Variants in MPP7 observed in about 807,000 individuals in gnomAD.
The protein encoded by MPP7 is MAGUK p55 subfamily member 7.
In MPP7, 60 loss-of-function variants were observed where a neutral mutation model predicts 76.5. That is an observed-to-expected ratio of 0.78 (90% CI 0.64 to 0.97). The LOEUF (loss-of-function observed/expected upper bound fraction) is 0.97. Among genes scored for constraint, MPP7 ranks in the 50% least tolerant of loss-of-function variants. The probability of loss-of-function intolerance (pLI) is 0.00; values close to 1 mark genes in which losing one functional copy is unlikely to be tolerated. For missense variants in MPP7, 641 were observed against 694.0 expected (o/e 0.92, Z 0.86); for synonymous variants, 237 against 244.5 (o/e 0.97, Z 0.29).
chr10:28,097,084 G>C (rs1444064632), intron 11 of MPP7, among the ~76,000 whole-genome samples: 1 of 151,774 alleles, frequency 6.6e-6, no homozygotes, highest in Non-Finnish European at 1.5e-5. Context: ...CAAACCCCTG[G>C]GCTCCAGCGA....
intron 2 of MPP7, among the ~76,000 whole-genome samples, chr10:28,212,425 A>C (rs796425402): frequency 2.2e-4 from 33 of 152,338 alleles, no homozygotes; most frequent in African/African-American, 7.9e-4. Context: ...ATAATGGGGA[A>C]GTTCAGCCTT....
In MPP7 at chr10:28,175,774, G is replaced by C. The variant is rs575054858; in HGVS notation, c.157-25715C>G. On this transcript the variant is annotated intron_variant, in intron 3 of 16. Transcript: ENST00000683449. ...TAAAGACCACAAGAAAAACTTGTAA[G>C]AGCTCAGGGAAAATTGCTCCCTGAG... Among the ~76,000 whole-genome samples the C allele has an allele frequency of 2.6e-5, 4 of 152,174 alleles. No individual in the cohort carries two copies. In the East Asian group the frequency reaches 7.7e-4, roughly 29 times the overall value.
intron 1 of MPP7, among the ~76,000 whole-genome samples, chr10:28,265,409 C>T (rs986118954): frequency 3.3e-5 from 5 of 151,962 alleles, no homozygotes; most frequent in African/African-American, 9.7e-5. Context: ...AAATGCAAAA[C>T]TTAGCCAGGC....
At chr10:28,155,900 AC>A (rs1374619082) in intron 3 of MPP7, among the ~76,000 whole-genome samples, 10 of 152,180 alleles carry the variant, frequency 6.6e-5, no homozygotes, top group African/African-American at 2.4e-4. Flanking sequence ...AGCAGCCACC[AC>A]ACTGCCTCTA....
chr10:28,124,703 T>C (rs1238485850), intron 7 of MPP7, among the ~76,000 whole-genome samples: 1 of 151,840 alleles, frequency 6.6e-6, no homozygotes, highest in Admixed American at 6.6e-5. Context: ...CAGGATGGTA[T>C]TGATCTCCTG....
At chr10:28,137,062 G>C (rs1329437800) in intron 5 of MPP7, among the ~76,000 whole-genome samples, 1 of 151,226 alleles carries the variant, frequency 6.6e-6, no homozygotes, top group Non-Finnish European at 1.5e-5. Flanking sequence ...AAACCAGGAA[G>C]AAAATATTGA....
chr10:28,194,208 G>T (rs1238675279), intron 3 of MPP7, among the ~76,000 whole-genome samples: 2 of 151,768 alleles, frequency 1.3e-5, no homozygotes, highest in African/African-American at 4.8e-5. Flanking sequence ...TAGAGATAGG[G>T]TTTCACCATG....
intron 1 of MPP7, among the ~76,000 whole-genome samples, chr10:28,290,824 C>T (rs766701664): frequency 6.6e-5 from 10 of 152,240 alleles, no homozygotes; most frequent in South Asian, 4.1e-4. Flanking sequence ...CAGACTAACA[C>T]GTGAAAGAAG....
chr10:28,296,478 T>C (rs979335427), intron 1 of MPP7, among the ~76,000 whole-genome samples: 2 of 152,228 alleles, frequency 1.3e-5, no homozygotes, highest in Non-Finnish European at 2.9e-5. Flanking sequence ...AAGTCCAAAG[T>C]TGTCTTCAAA....
intron 3 of MPP7, among the ~76,000 whole-genome samples, chr10:28,195,380 T>A (rs1354300654): frequency 1.3e-5 from 2 of 152,154 alleles, no homozygotes; most frequent in Non-Finnish European, 2.9e-5. Context: ...TAGCAATTCC[T>A]CTCCTAGATA....
chr10:28,057,039 C>T (rs1851583405), intron 15 of MPP7, among the ~76,000 whole-genome samples: 1 of 152,236 alleles, frequency 6.6e-6, no homozygotes, highest in African/African-American at 2.4e-5. Context: ...AGGGCAGCCT[C>T]CTGCTCTCCA....
intron 3 of MPP7, among the ~76,000 whole-genome samples, chr10:28,180,621 T>A (rs560174253): frequency 6.6e-6 from 1 of 152,222 alleles, no homozygotes; most frequent in East Asian, 1.9e-4. Flanking sequence ...TAAATAATAT[T>A]GTGGTAATAA....
intron 3 of MPP7, among the ~76,000 whole-genome samples, chr10:28,193,199 G>A (rs2133952728): frequency 6.8e-6 from 1 of 147,518 alleles, no homozygotes; most frequent in East Asian, 2.0e-4. Context: ...GGGTTTTTTT[G>A]TTTGGTTGGT....
At chr10:28,282,654 G>C (rs546860352) in intron 1 of MPP7, among the ~76,000 whole-genome samples, 2 of 151,988 alleles carry the variant, frequency 1.3e-5, no homozygotes, top group Non-Finnish European at 2.9e-5. Flanking sequence ...GGACAGGAGC[G>C]TAAAGAAAAA....
chr10:28,273,526 A>G (rs1448653400), intron 1 of MPP7, among the ~76,000 whole-genome samples: 1 of 152,218 alleles, frequency 6.6e-6, no homozygotes, highest in Non-Finnish European at 1.5e-5. Context: ...CAGAAGAGTT[A>G]CCTCAATGAA....
At chr10:28,180,541 A>C (rs1249132005) in intron 3 of MPP7, among the ~76,000 whole-genome samples, 1 of 152,274 alleles carries the variant, frequency 6.6e-6, no homozygotes, top group Non-Finnish European at 1.5e-5. Flanking sequence ...TAATTTCTAC[A>C]TCACTAAGCC....
upstream of MPP7, chr10:28,334,532 T>C (rs1834498559): frequency 6.6e-6 from 1 of 152,224 alleles, no homozygotes; most frequent in Admixed American, 6.5e-5. Context: ...AATGTTCTTG[T>C]GTTTATACTC....
intron 4 of MPP7, among the ~76,000 whole-genome samples, chr10:28,149,318 T>C (rs915486347): frequency 6.6e-6 from 1 of 152,228 alleles, no homozygotes; most frequent in Admixed American, 6.5e-5. Context: ...CCTTTATAGT[T>C]TATCCAGGTG....
rs929452245 is a variant in MPP7, at chr10:28,147,504, T to C, written c.294A>G (p.Leu98=). 1 of 1,614,066 alleles carries C rather than the reference T, an allele frequency of 6.2e-7. No homozygotes were observed. ...LNSEIRELLK[L]LSKPNVKALL... is the part of the protein sequence containing the mutation. ...TCACCTTCACATTGGGTTTTGACAG[T>C]AGTTTCAACAGCTCTCTGATCTCAC... Residue 98 remains leucine, a synonymous_variant, in exon 5 of 17, where the codon CTA becomes CTG. Coordinates refer to ENST00000683449, the MANE Select transcript of MPP7 (RefSeq NM_001318170.2).
Sources: allele counts gnomAD v4.1 joint callset (sites outside exome capture counted in the v4.1 genomes callset), GRCh38; gene constraint gnomAD v4.1.1; transcripts MANE v1.5; gene names NCBI Gene and HGNC (gene_info 2026-07-23, HGNC 2026-07-21).